GTF2H4: variants seen among roughly 807,000 people sequenced by gnomAD.
GTF2H4 encodes general transcription factor IIH subunit 4, also known as BTF2 p52.
GTF2H4 carries 49 observed loss-of-function variants against 62.2 expected under a neutral mutation model. That is an observed-to-expected ratio of 0.79 (90% CI 0.63 to 1.00). The LOEUF is 1.00. GTF2H4 is among the 50% of genes least tolerant of loss of function. The pLI, the probability that GTF2H4 is intolerant of heterozygous loss-of-function variation, is 0.00. For missense variants in GTF2H4, 479 were observed against 587.8 expected, an observed-to-expected ratio of 0.81 and a Z score of 1.91; for synonymous variants, 189 against 233.8, an observed-to-expected ratio of 0.81 and a Z score of 1.75.
rs1793806943 is a variant in GTF2H4 at position 30,912,375 on chromosome 6, T to A, written c.1006T>A (p.Tyr336Asn). Residue 336 changes from tyrosine (Y) to asparagine (N), a missense_variant, in exon 11 of 14, where the codon TAT becomes AAT. Transcript: ENST00000259895. This position sits in a 1 kb window ranked among gnomAD's most constrained non-coding sequence, Gnocchi z 4.8. ...CATTGCCCTCTTCTCTGAGATGCTC[T>A]ATCGGTTCCCCAACATGGTGGTGGC... is the stretch of plus-strand genomic sequence containing the variant. ...ALIALFSEML[Y>N]RFPNMVVAQV... 1.2e-6 allele frequency: 2 copies of A among 1,613,014 alleles called. No homozygotes were observed.
chr6:30,913,089 C>T lies in GTF2H4; in HGVS notation c.1090-21C>T, dbSNP rs201486926. On this transcript the variant is annotated intron_variant, in intron 11 of 13. Transcript: ENST00000259895. This position sits in a 1 kb window ranked among gnomAD's most constrained non-coding sequence, Gnocchi z 4.2. ...TGCCTTCTTGCTGGAGCCCTCATGC[C>T]ATTCTTGTCTGTTTTCCTAGATAAT... 1.2e-6 allele frequency: 2 copies of T among 1,613,564 alleles called. No homozygotes were observed. Among genetic ancestry groups the T allele is most frequent in the South Asian group, 1.1e-5 (1 of 91,026 alleles).
At position 30,913,713 on chromosome 6, in the gene GTF2H4, C is replaced by CA; in HGVS notation, c.1217-97dup. On this transcript the variant is annotated intron_variant, in intron 13 of 13. Coordinates refer to ENST00000259895, the MANE Select transcript of GTF2H4 (RefSeq NM_001517.5). The surrounding 1 kb of genome is among the most constrained non-coding windows in gnomAD (Gnocchi z 4.2). The stretch of plus-strand genomic sequence containing the variant: ...GGTGGGGGCAAGCCCAGACCGCGTC[C>CA]AGGGCTGCCACCAAGGAGCTGGGGG... 1 of 1,214,500 alleles carries CA rather than the reference C, an allele frequency of 8.2e-7. No homozygotes were observed. Among genetic ancestry groups the CA allele is most frequent in the Non-Finnish European group, 1.1e-6 (1 of 887,124 alleles). The allele number at this position is 1,214,500 out of a possible 1,614,324, so 75.2% of individuals were successfully genotyped here. A position where few individuals can be genotyped will look rare whatever the true frequency, so the allele number is the denominator to read the frequency against.
Position 30,914,027 on chromosome 6 carries a change from G to T in GTF2H4, c.*44G>T. On this transcript the variant is annotated 3_prime_UTR_variant, in exon 14 of 14. Coordinates refer to ENST00000259895, the MANE Select transcript of GTF2H4 (RefSeq NM_001517.5). ...CGGACCTCGGCGGGCGGGACTGGGC[G>T]GGGCGGGGCATCAGAACTCAGGTGT... is the stretch of plus-strand genomic sequence containing the variant. 2 of 1,482,416 alleles carry T rather than the reference G, an allele frequency of 1.3e-6. No homozygotes were observed. Among genetic ancestry groups the T allele is most frequent in the East Asian group, 2.4e-5 (1 of 41,614 alleles). 91.8% of individuals were successfully genotyped at this position (1,482,416 alleles called of 1,614,324 possible). A position where few individuals can be genotyped will look rare whatever the true frequency, so the allele number is the denominator to read the frequency against.
rs767823588 is a variant in GTF2H4 at position 30,910,772 on chromosome 6, G to C, written c.471+11G>C. On this transcript the variant is annotated intron_variant, in intron 5 of 13. Transcript: ENST00000259895. The surrounding 1 kb of genome is among the most constrained non-coding windows in gnomAD (Gnocchi z 4.7). ...GAGGAGCGATGGGAGGTAAGCACTT[G>C]GGAGTGTGTGTGTCTCTGCTTGTGC... is the stretch of plus-strand genomic sequence containing the variant. 1.9e-6 allele frequency: 3 copies of C among 1,609,534 alleles called. No individual in the cohort carries two copies. Among genetic ancestry groups the C allele is most frequent in the Non-Finnish European group, 2.5e-6 (3 of 1,177,014 alleles).
At position 30,913,187 on chromosome 6, in the gene GTF2H4, T is replaced by G; in HGVS notation, c.1137+30T>G. The G allele has an allele frequency of 6.2e-7, 1 of 1,613,926 alleles. No homozygotes were observed. Among genetic ancestry groups the G allele is most frequent in the Non-Finnish European group, 8.5e-7 (1 of 1,179,818 alleles). The stretch of plus-strand genomic sequence containing the variant: ...AGACAGGCTCCAAGATGTCAGAGGC[T>G]GGCAGCTGGTGATGACATGATGGAA... On this transcript the variant is annotated intron_variant, in intron 12 of 13. Coordinates refer to ENST00000259895, the MANE Select transcript of GTF2H4 (RefSeq NM_001517.5). This position sits in a 1 kb window ranked among gnomAD's most constrained non-coding sequence, Gnocchi z 4.2.
In GTF2H4 at chr6:30,909,658, G is replaced by A; in HGVS notation, c.242+119G>A. ...CAAAACTTAAAAATAAATACATTTG[G>A]GAAACTCTGCATATTGCCTTTTCCC... is the stretch of plus-strand genomic sequence containing the variant. On this transcript the variant is annotated intron_variant, in intron 3 of 13. Coordinates refer to ENST00000259895, the MANE Select transcript of GTF2H4 (RefSeq NM_001517.5). This position sits in a 1 kb window ranked among gnomAD's most constrained non-coding sequence, Gnocchi z 4.3. The A allele has an allele frequency of 1.5e-6, 1 of 668,902 alleles. No homozygotes were observed. The highest frequency in any genetic ancestry group is 2.6e-6 in the Non-Finnish European group (1 of 388,314). 41.4% of individuals were successfully genotyped at this position (668,902 alleles called of 1,614,324 possible). A position where few individuals can be genotyped will look rare whatever the true frequency, so the allele number is the denominator to read the frequency against.
chr6:30,911,035 T>C lies in GTF2H4; in HGVS notation c.560+94T>C, dbSNP rs1258097546. 3.7e-6 allele frequency: 5 copies of C among 1,354,364 alleles called. No individual in the cohort carries two copies. The highest frequency in any genetic ancestry group is 5.2e-6 in the Non-Finnish European group (5 of 962,252). The allele number at this position is 1,354,364 out of a possible 1,614,324, so 83.9% of individuals were successfully genotyped here. A position where few individuals can be genotyped will look rare whatever the true frequency, so the allele number is the denominator to read the frequency against. ...GGGGCTAGTCAAGATCAGAGGACAT[T>C]AGCTGGAAAAGGCAAGCTGAGTAGA... On this transcript the variant is annotated intron_variant, in intron 6 of 13. Coordinates refer to ENST00000259895, the MANE Select transcript of GTF2H4 (RefSeq NM_001517.5). This position sits in a 1 kb window ranked among gnomAD's most constrained non-coding sequence, Gnocchi z 4.3.
rs895219291 is a variant in GTF2H4, at chr6:30,912,782, G to C, written c.1089+324G>C. Among the ~76,000 whole-genome samples the C allele has an allele frequency of 1.3e-5, 2 of 152,042 alleles. No individual in the cohort carries two copies. The highest frequency in any genetic ancestry group is 2.9e-5 in the Non-Finnish European group (2 of 68,002). Reference sequence around the variant, plus strand: ...GACAGTTCTTACCTCAGGGTTGCCGGGATAATTCATTGGAAGAATAGGGGC... The same window carrying C: ...GACAGTTCTTACCTCAGGGTTGCCGCGATAATTCATTGGAAGAATAGGGGC... On this transcript the variant is annotated intron_variant, in intron 11 of 13. Transcript: ENST00000259895. This position sits in a 1 kb window ranked among gnomAD's most constrained non-coding sequence, Gnocchi z 4.8.
rs2074512 is a variant in GTF2H4, at chr6:30,911,142, T to G, written c.561-16T>G. On this transcript the variant is annotated splice_polypyrimidine_tract_variant and intron_variant, in intron 6 of 13. Transcript: ENST00000259895. The surrounding 1 kb of genome is among the most constrained non-coding windows in gnomAD (Gnocchi z 4.3). ...TCTCTGCATATCACCATCATTGTCC[T>G]GGTCTTTGTCTCTAGTACTGAACCT... is the stretch of plus-strand genomic sequence containing the variant. The G allele has an allele frequency of 1.9e-6, 3 of 1,588,232 alleles. No individual in the cohort carries two copies. Among genetic ancestry groups the G allele is most frequent in the Non-Finnish European group, 1.7e-6 (2 of 1,157,372 alleles).
Position 30,913,269 on chromosome 6 carries a change from A to G in GTF2H4, c.1138-40A>G. The G allele has an allele frequency of 6.2e-7, 1 of 1,613,026 alleles. No homozygotes were observed. Among genetic ancestry groups the G allele is most frequent in the Non-Finnish European group, 8.5e-7 (1 of 1,179,238 alleles). On this transcript the variant is annotated intron_variant, in intron 12 of 13. Transcript: ENST00000259895. The surrounding 1 kb of genome is among the most constrained non-coding windows in gnomAD (Gnocchi z 4.2). ...AACAGAGGGCCGGGTTGTCTGGGGC[A>G]GTATTCTGAGTCCCTACAGTCAACC...
chr6:30,913,165 C>T lies in GTF2H4; in HGVS notation c.1137+8C>T, dbSNP rs1271558893. On this transcript the variant is annotated splice_region_variant and intron_variant, in intron 12 of 13. Transcript: ENST00000259895. The surrounding 1 kb of genome is among the most constrained non-coding windows in gnomAD (Gnocchi z 4.2). ...CCAGTGATGCTCAAACAGGTATAGACAGGCTCCAAGATGTCAGAGGCTGGC... is the reference window on the plus strand; with the variant it reads ...CCAGTGATGCTCAAACAGGTATAGATAGGCTCCAAGATGTCAGAGGCTGGC... 2 of 1,614,084 alleles carry T rather than the reference C, an allele frequency of 1.2e-6. No individual in the cohort carries two copies. The highest frequency in any genetic ancestry group is 1.7e-6 in the Non-Finnish European group (2 of 1,179,938).
chr6:30,912,685 C>T lies in GTF2H4; in HGVS notation c.1089+227C>T, dbSNP rs563649943. Among the ~76,000 whole-genome samples the T allele has an allele frequency of 6.6e-5, 10 of 152,086 alleles. No homozygotes were observed. The highest frequency in any genetic ancestry group is 1.9e-4 in the African/African-American group (8 of 41,468). ...GATCTGGATTTGTGCCTCGGCACTGCCACATCCTAACTGCGTAAACTAGAC... is the reference window on the plus strand; with the variant it reads ...GATCTGGATTTGTGCCTCGGCACTGTCACATCCTAACTGCGTAAACTAGAC... On this transcript the variant is annotated intron_variant, in intron 11 of 13. Transcript: ENST00000259895. This position sits in a 1 kb window ranked among gnomAD's most constrained non-coding sequence, Gnocchi z 4.8.
rs1055928137 is a variant in GTF2H4, at chr6:30,911,082, A to G, written c.561-76A>G. On this transcript the variant is annotated intron_variant, in intron 6 of 13. Transcript: ENST00000259895. This position sits in a 1 kb window ranked among gnomAD's most constrained non-coding sequence, Gnocchi z 4.3. ...TAGAATATAGCCAGAGATACCAAGA[A>G]AAAACGTGAGTGGACAAGTGGGGAT... 2.1e-5 allele frequency: 29 copies of G among 1,392,628 alleles called. No individual in the cohort carries two copies. The highest frequency in any genetic ancestry group is 2.8e-5 in the Non-Finnish European group (28 of 982,590). The allele number at this position is 1,392,628 out of a possible 1,614,324, so 86.3% of individuals were successfully genotyped here. A position where few individuals can be genotyped will look rare whatever the true frequency, so the allele number is the denominator to read the frequency against.
Position 30,913,987 on chromosome 6 carries a change from CGCGGGACTTGGACACGGACCTCGGCGG to C in GTF2H4, c.*13_*39del, listed in dbSNP as rs1226186644. 1.9e-6 allele frequency: 3 copies of C among 1,560,136 alleles called. No homozygotes were observed. In the African/African-American group the frequency reaches 4.1e-5, roughly 21 times the overall value. The stretch of plus-strand genomic sequence containing the variant: ...GCGGCAGAAACATAGCTCCTGAGAG[CGCGGGACTTGGACACGGACCTCGGCGG>C]GCGGGACTGGGCGGGGCGGGGCATC... On this transcript the variant is annotated 3_prime_UTR_variant, in exon 14 of 14. Transcript: ENST00000259895. This position sits in a 1 kb window ranked among gnomAD's most constrained non-coding sequence, Gnocchi z 4.2.
rs780545805 is a variant in GTF2H4, at chr6:30,913,761, C to G, written c.1217-50C>G. The G allele has an allele frequency of 1.4e-6, 2 of 1,475,636 alleles. No homozygotes were observed. The highest frequency in any genetic ancestry group is 1.8e-6 in the Non-Finnish European group (2 of 1,105,052). 91.4% of individuals were successfully genotyped at this position (1,475,636 alleles called of 1,614,324 possible). A position where few individuals can be genotyped will look rare whatever the true frequency, so the allele number is the denominator to read the frequency against. On this transcript the variant is annotated intron_variant, in intron 13 of 13. Transcript: ENST00000259895. The surrounding 1 kb of genome is among the most constrained non-coding windows in gnomAD (Gnocchi z 4.2). ...GGGGATTCCCAATAGGAGCTCCGAGCTTCACTTTCTCGTCTTCTCCCCGCG... is the reference window on the plus strand; with the variant it reads ...GGGGATTCCCAATAGGAGCTCCGAGGTTCACTTTCTCGTCTTCTCCCCGCG...
Position 30,913,317 on chromosome 6 carries a change from G to GT in GTF2H4, c.1146_1147insT (p.Leu383SerfsTer23), listed in dbSNP as rs948242434. 6.2e-7 allele frequency: 1 copy of GT among 1,613,652 alleles called. No homozygotes were observed. On this transcript the variant is annotated frameshift_variant, in exon 13 of 14. Transcript: ENST00000259895. LOFTEE classifies it high-confidence loss of function. The surrounding 1 kb of genome is among the most constrained non-coding windows in gnomAD (Gnocchi z 4.2). ...ACCCTTGCTCCTTGCAGACACCTGT[G>GT]CTGCCCCCCACCATCACCGACCAGA... is the stretch of plus-strand genomic sequence containing the variant.
Position 30,913,788 on chromosome 6 carries a change from C to G in GTF2H4, c.1217-23C>G. On this transcript the variant is annotated intron_variant, in intron 13 of 13. Transcript: ENST00000259895. The surrounding 1 kb of genome is among the most constrained non-coding windows in gnomAD (Gnocchi z 4.2). Reference sequence around the variant, plus strand: ...TCACTTTCTCGTCTTCTCCCCGCGCCCCTCCCGTCCTGCCGACCCCAGGTG... The same window carrying G: ...TCACTTTCTCGTCTTCTCCCCGCGCGCCTCCCGTCCTGCCGACCCCAGGTG... 6.6e-7 allele frequency: 1 copy of G among 1,526,484 alleles called. No individual in the cohort carries two copies. Among genetic ancestry groups the G allele is most frequent in the Non-Finnish European group, 8.8e-7 (1 of 1,134,622 alleles). 94.6% of individuals were successfully genotyped at this position (1,526,484 alleles called of 1,614,324 possible).
rs1252740995 is a variant in GTF2H4, at chr6:30,910,988, G to A, written c.560+47G>A. ...CAGCTCTCTGCTGTGCCATCTCCTT[G>A]GGTCCCTAAGAAATGGTATCTGGGG... On this transcript the variant is annotated intron_variant, in intron 6 of 13. Transcript: ENST00000259895. The surrounding 1 kb of genome is among the most constrained non-coding windows in gnomAD (Gnocchi z 4.7). 1 of 1,488,192 alleles carries A rather than the reference G, an allele frequency of 6.7e-7. No individual in the cohort carries two copies. Among genetic ancestry groups the A allele is most frequent in the Non-Finnish European group, 9.2e-7 (1 of 1,082,586 alleles). 92.2% of individuals were successfully genotyped at this position (1,488,192 alleles called of 1,614,324 possible). A position where few individuals can be genotyped will look rare whatever the true frequency, so the allele number is the denominator to read the frequency against.
chr6:30,910,061 T>A lies in GTF2H4; in HGVS notation c.372T>A (p.Gly124=). The stretch of plus-strand genomic sequence containing the variant: ...AGAACCTCCGCATTGCCCTTCTGGG[T>A]GGGTATGTCACTTCTCTCTCTTCCT... The part of the protein sequence containing the change: ...FRQNLRIALL[G]GGKAWSDDTS... Residue 124 remains glycine (G), a splice_region_variant and synonymous_variant, in exon 4 of 14, where the codon GGT becomes GGA. Coordinates refer to ENST00000259895, the MANE Select transcript of GTF2H4 (RefSeq NM_001517.5). This position sits in a 1 kb window ranked among gnomAD's most constrained non-coding sequence, Gnocchi z 4.7. 6.2e-7 allele frequency: 1 copy of A among 1,612,444 alleles called. No individual in the cohort carries two copies. Among genetic ancestry groups the A allele is most frequent in the South Asian group, 1.1e-5 (1 of 91,026 alleles).
Sources: gnomAD v4.1 joint callset for allele counts (sites outside exome capture counted in the v4.1 genomes callset) on GRCh38, gnomAD v4.1.1 for gene constraint, Gnocchi (gnomAD v3.1) non-coding constraint, MANE v1.5 for transcripts, NCBI Gene and HGNC (gene_info 2026-07-23, HGNC 2026-07-21) for gene names.